AGPAT4: variants seen among roughly 807,000 people sequenced by gnomAD.
AGPAT4 encodes the protein 1-acyl-sn-glycerol-3-phosphate acyltransferase delta.
Under a neutral mutation model 48.0 loss-of-function variants are expected in AGPAT4, and 15 were observed. That is an observed-to-expected ratio of 0.31 (90% CI 0.21 to 0.48). The LOEUF (loss-of-function observed/expected upper bound fraction) is 0.48. Among genes scored for constraint, AGPAT4 ranks in the 20% least tolerant of loss-of-function variants. The pLI is 0.99. For synonymous variants in AGPAT4, 178 were observed against 198.7 expected, an observed-to-expected ratio of 0.90 and a Z score of 0.88; for missense variants, 314 against 482.5, an observed-to-expected ratio of 0.65 and a Z score of 3.27.
At chr6:161,224,657 AAAAG>A (rs993547226) in intron 2 of AGPAT4, among the ~76,000 whole-genome samples, 7 of 151,460 alleles carry the variant, frequency 4.6e-5, no homozygotes, top group African/African-American at 1.7e-4. Flanking sequence ...AAAAAAAAAA[AAAAG>A]AAAGAAAACC....
At position 161,161,953 on chromosome 6, in the gene AGPAT4, CT is replaced by C; in HGVS notation, c.348+4294del. Reference sequence around the variant, plus strand: ...CTCTGTGCAAAGAAATGCAATGCTGCTATTTTTCATTTGTTTTATTTATTGA... The same window carrying C: ...CTCTGTGCAAAGAAATGCAATGCTGCATTTTTCATTTGTTTTATTTATTGA... On this transcript the variant is annotated intron_variant, in intron 3 of 8. Transcript: ENST00000320285. The surrounding 1 kb of genome is among the most constrained non-coding windows in gnomAD (Gnocchi z 4.6). The C allele has an allele frequency of 6.0e-6, 1 of 167,412 alleles. No individual in the cohort carries two copies. Among genetic ancestry groups the C allele is most frequent in the Non-Finnish European group, 1.3e-5 (1 of 75,644 alleles). The allele number at this position is 167,412 out of a possible 1,614,324, so 10.4% of individuals were successfully genotyped here.
intron 2 of AGPAT4, among the ~76,000 whole-genome samples, chr6:161,205,360 T>C (rs1781352451): frequency 6.6e-6 from 1 of 152,132 alleles, no homozygotes; most frequent in Admixed American, 6.5e-5. Context: ...CTTTCTCCTC[T>C]ATGTCCTGTG....
At chr6:161,273,599 G>A (rs1168548645) in intron 1 of AGPAT4, among the ~76,000 whole-genome samples, 1 of 152,004 alleles carries the variant, frequency 6.6e-6, no homozygotes, top group African/African-American at 2.4e-5. Context: ...TTCGTCTATA[G>A]CAGAGAAAAT....
At position 161,140,081 on chromosome 6, in the gene AGPAT4, G is replaced by A. The variant is rs952132992; in HGVS notation, c.844-461C>T. The stretch of plus-strand genomic sequence containing the variant: ...CCTGGCCCGCAGTCAGGAGGAGCTC[G>A]CCCAGCCCGGCCCGGCACATGCCCC... On this transcript the variant is annotated intron_variant, in intron 7 of 8. Coordinates refer to ENST00000320285, the MANE Select transcript of AGPAT4 (RefSeq NM_020133.3). The surrounding 1 kb of genome is among the most constrained non-coding windows in gnomAD (Gnocchi z 6.5). Among the ~76,000 whole-genome samples the A allele has an allele frequency of 1.2e-4, 19 of 152,332 alleles. 1 individual carries two copies. Among genetic ancestry groups the A allele is most frequent in the East Asian group, 9.7e-4 (5 of 5,168 alleles).
rs1779423671 is a variant in AGPAT4, at chr6:161,146,302, T to G, written c.843+222A>C. ...ATTGGGGCCATTACTTCTCCCTTGG[T>G]CCACTACACCTAGAGAATAGCTTCA... On this transcript the variant is annotated intron_variant, in intron 7 of 8. Coordinates refer to ENST00000320285, the MANE Select transcript of AGPAT4 (RefSeq NM_020133.3). The surrounding 1 kb of genome is among the most constrained non-coding windows in gnomAD (Gnocchi z 7.1). 6.6e-6 allele frequency among the ~76,000 whole-genome samples: 1 copy of G among 150,662 alleles called. No individual in the cohort carries two copies. Among genetic ancestry groups the G allele is most frequent in the Non-Finnish European group, 1.5e-5 (1 of 68,016 alleles).
rs1208907734 is a variant in AGPAT4 at position 161,149,108 on chromosome 6, G to C, written c.767+79C>G. On this transcript the variant is annotated intron_variant, in intron 6 of 8. Transcript: ENST00000320285. The surrounding 1 kb of genome is among the most constrained non-coding windows in gnomAD (Gnocchi z 6.5). Reference sequence around the variant, plus strand: ...CAGTGTGACCCAGGGATCCCTGGAAGAAAGTCTCTAGGTCATTTGTGATGT... The same window carrying C: ...CAGTGTGACCCAGGGATCCCTGGAACAAAGTCTCTAGGTCATTTGTGATGT... 3.3e-6 allele frequency: 5 copies of C among 1,521,310 alleles called. No homozygotes were observed. The highest frequency in any genetic ancestry group is 4.4e-6 in the Non-Finnish European group (5 of 1,136,892). The allele number at this position is 1,521,310 out of a possible 1,614,324, so 94.2% of individuals were successfully genotyped here. A position where few individuals can be genotyped will look rare whatever the true frequency, so the allele number is the denominator to read the frequency against.
rs1342878927 is a variant in AGPAT4 at position 161,245,618 on chromosome 6, G to A, written c.-89-13316C>T. Reference sequence around the variant, plus strand: ...TTTAGGGGGACACAAGCAAGTGGCCGTTCATTTTCTTCTGCATCTCAGATA... The same window carrying A: ...TTTAGGGGGACACAAGCAAGTGGCCATTCATTTTCTTCTGCATCTCAGATA... On this transcript the variant is annotated intron_variant, in intron 1 of 8. Coordinates refer to ENST00000320285, the MANE Select transcript of AGPAT4 (RefSeq NM_020133.3). The surrounding 1 kb of genome is among the most constrained non-coding windows in gnomAD (Gnocchi z 5.2). Among the ~76,000 whole-genome samples, 4 of 152,052 alleles carry A rather than the reference G, an allele frequency of 2.6e-5. No individual in the cohort carries two copies. The highest frequency in any genetic ancestry group is 5.9e-5 in the Non-Finnish European group (4 of 68,002).
At chr6:161,173,022 T>C (rs1283402939) in intron 2 of AGPAT4, among the ~76,000 whole-genome samples, 1 of 152,244 alleles carries the variant, frequency 6.6e-6, no homozygotes, top group Non-Finnish European at 1.5e-5. Flanking sequence ...ATGTGCCAAA[T>C]TTTCTTAATC....
intron 2 of AGPAT4, among the ~76,000 whole-genome samples, chr6:161,187,588 G>A (rs1233117122): frequency 1.3e-5 from 2 of 151,870 alleles, no homozygotes; most frequent in Non-Finnish European, 2.9e-5. Flanking sequence ...CGCTCAGGCT[G>A]GATGGAGTGC....
Position 161,215,109 on chromosome 6 carries a change from T to C in AGPAT4, c.178+16927A>G, listed in dbSNP as rs1022954610. 2.0e-5 allele frequency among the ~76,000 whole-genome samples: 3 copies of C among 152,252 alleles called. No individual in the cohort carries two copies. Among genetic ancestry groups the C allele is most frequent in the Non-Finnish European group, 4.4e-5 (3 of 68,048 alleles). Reference sequence around the variant, plus strand: ...ATTTAAATACCCCATAGAGACTGTCTAGATGCTTCACATTTCTATAGGCTT... The same window carrying C: ...ATTTAAATACCCCATAGAGACTGTCCAGATGCTTCACATTTCTATAGGCTT... On this transcript the variant is annotated intron_variant, in intron 2 of 8. Transcript: ENST00000320285. The surrounding 1 kb of genome is among the most constrained non-coding windows in gnomAD (Gnocchi z 4.5).
chr6:161,149,413 G>A lies in AGPAT4; in HGVS notation c.665-124C>T. On this transcript the variant is annotated intron_variant, in intron 5 of 8. Transcript: ENST00000320285. This position sits in a 1 kb window ranked among gnomAD's most constrained non-coding sequence, Gnocchi z 6.5. The stretch of plus-strand genomic sequence containing the variant: ...TGCTTATCTAGAAATGGTGTGGTCA[G>A]ATTTCTTTCTTTCTATATGGTCCAC... 1.3e-6 allele frequency: 1 copy of A among 793,104 alleles called. No individual in the cohort carries two copies. 49.1% of individuals were successfully genotyped at this position (793,104 alleles called of 1,614,324 possible).
chr6:161,205,232 C>T (rs772353264), intron 2 of AGPAT4, among the ~76,000 whole-genome samples: 6 of 152,202 alleles, frequency 3.9e-5, no homozygotes, highest in Admixed American at 6.5e-5. Context: ...GCATGCACAT[C>T]CCACTGACCA....
chr6:161,154,350 C>A lies in AGPAT4; in HGVS notation c.349-40G>T. ...GGAGCCCAGGTGCCCATGAAGGAGA[C>A]GTCAGAGCCACCTGCCGGGGCTGTT... On this transcript the variant is annotated intron_variant, in intron 3 of 8. Coordinates refer to ENST00000320285, the MANE Select transcript of AGPAT4 (RefSeq NM_020133.3). The surrounding 1 kb of genome is among the most constrained non-coding windows in gnomAD (Gnocchi z 7.8). 4 of 1,611,394 alleles carry A rather than the reference C, an allele frequency of 2.5e-6. No individual in the cohort carries two copies. Among genetic ancestry groups the A allele is most frequent in the Non-Finnish European group, 3.4e-6 (4 of 1,178,784 alleles).
In AGPAT4 at chr6:161,197,470, G is replaced by A. The variant is rs1583321223; in HGVS notation, c.179-31053C>T. The stretch of plus-strand genomic sequence containing the variant: ...CTCTGGGAAATCTTCCACAGTGATA[G>A]CTGCCTCTTCCGACTCCCAAATGCT... On this transcript the variant is annotated intron_variant, in intron 2 of 8. Coordinates refer to ENST00000320285, the MANE Select transcript of AGPAT4 (RefSeq NM_020133.3). The surrounding 1 kb of genome is among the most constrained non-coding windows in gnomAD (Gnocchi z 5.7). 6.6e-6 allele frequency among the ~76,000 whole-genome samples: 1 copy of A among 152,114 alleles called. No homozygotes were observed. The highest frequency in any genetic ancestry group is 6.5e-5 in the Admixed American group (1 of 15,274).
chr6:161,250,827 CTT>C (rs1333682105), intron 1 of AGPAT4, among the ~76,000 whole-genome samples: 2 of 152,096 alleles, frequency 1.3e-5, no homozygotes, highest in Non-Finnish European at 2.9e-5. Flanking sequence ...AAAATTAAAT[CTT>C]TATACAGTCT....
Position 161,139,029 on chromosome 6 carries a change from G to A in AGPAT4, c.1042+393C>T, listed in dbSNP as rs541258699. 6.6e-6 allele frequency among the ~76,000 whole-genome samples: 1 copy of A among 152,344 alleles called. No homozygotes were observed. Among genetic ancestry groups the A allele is most frequent in the Admixed American group, 6.5e-5 (1 of 15,302 alleles). ...AGGCGCCCCCAGAGGAAGGCAGGGA[G>A]CTGCCCATCCGTCCCCGCCAGGCTC... On this transcript the variant is annotated intron_variant, in intron 8 of 8. Coordinates refer to ENST00000320285, the MANE Select transcript of AGPAT4 (RefSeq NM_020133.3). This position sits in a 1 kb window ranked among gnomAD's most constrained non-coding sequence, Gnocchi z 9.1.
Position 161,220,879 on chromosome 6 carries a change from G to A in AGPAT4, c.178+11157C>T, listed in dbSNP as rs189539801. On this transcript the variant is annotated intron_variant, in intron 2 of 8. Transcript: ENST00000320285. The surrounding 1 kb of genome is among the most constrained non-coding windows in gnomAD (Gnocchi z 6.0). ...GCTCACTGCAACTTCTGCCTCCCGG[G>A]TTCAAGCAATTCTCCTGCCTCAGTC... Among the ~76,000 whole-genome samples the A allele has an allele frequency of 6.6e-6, 1 of 152,104 alleles. No individual in the cohort carries two copies. The highest frequency in any genetic ancestry group is 1.5e-5 in the Non-Finnish European group (1 of 68,018).
chr6:161,237,485 G>T (rs1190300405), intron 1 of AGPAT4, among the ~76,000 whole-genome samples: 4 of 152,136 alleles, frequency 2.6e-5, no homozygotes, highest in Non-Finnish European at 5.9e-5. Context: ...GAGACAAAGG[G>T]GGTTAAATAC....
rs1418233461 is a variant in AGPAT4 at position 161,146,563 on chromosome 6, G to A, written c.804C>T (p.Asp268=). 5 of 1,613,978 alleles carry A rather than the reference G, an allele frequency of 3.1e-6. No homozygotes were observed. The highest frequency in any genetic ancestry group is 2.2e-5 in the East Asian group (1 of 44,886). ...GCTTGTGCAGCCAGGCCGAGCACTC[G>A]TCATCGTCTTCAGGGATGTCTTCCA... is the stretch of plus-strand genomic sequence containing the variant. ...IPLEDIPEDD[D]ECSAWLHKLY... is the part of the protein sequence containing the mutation. The change falls in exon 7 of 9, where the codon GAC becomes GAT. Residue 268 remains aspartate, a synonymous_variant. Transcript: ENST00000320285. This position sits in a 1 kb window ranked among gnomAD's most constrained non-coding sequence, Gnocchi z 7.1.
Sources: gnomAD v4.1 joint callset for allele counts (sites outside exome capture counted in the v4.1 genomes callset) on GRCh38, gnomAD v4.1.1 for gene constraint, Gnocchi (gnomAD v3.1) non-coding constraint, MANE v1.5 for transcripts, NCBI Gene and HGNC (gene_info 2026-07-23, HGNC 2026-07-21) for gene names.